CEP43: variants seen among roughly 807,000 people sequenced by gnomAD.
CEP43 encodes the protein centrosomal protein 43.
CEP43 carries 36 observed loss-of-function variants against 52.6 expected under a neutral mutation model. The ratio of observed to expected loss-of-function variants is 0.68; its 90% CI spans 0.52 to 0.90. The LOEUF is 0.90. Ranked by LOEUF, CEP43 falls within the 40% of genes least tolerant of loss-of-function variation. The pLI is 0.00. For synonymous variants in CEP43, 192 were observed against 172.4 expected, an observed-to-expected ratio of 1.11 and a Z score of -0.89; for missense variants, 506 against 472.8, an observed-to-expected ratio of 1.07 and a Z score of -0.65.
At chr6:167,005,095 A>G (rs1487102915) in intron 5 of CEP43, among the ~76,000 whole-genome samples, 1 of 152,200 alleles carries the variant, frequency 6.6e-6, no homozygotes, top group African/African-American at 2.4e-5. Flanking sequence ...TATTTGATTA[A>G]ATGTGAGCTT....
chr6:167,020,842 G>A (rs1400842937), intron 7 of CEP43, among the ~76,000 whole-genome samples: 3 of 150,782 alleles, frequency 2.0e-5, no homozygotes, highest in African/African-American at 7.3e-5. Context: ...CTGGGAGGCG[G>A]AGGTTGCAGT....
rs1032257568 is a variant in CEP43 at position 167,051,317 on chromosome 6, C to T, written c.*11339C>T. 6.6e-6 allele frequency: 1 copy of T among 152,176 alleles called. No homozygotes were observed. The allele number at this position is 152,176 out of a possible 1,614,324, so 9.4% of individuals were successfully genotyped here. A position where few individuals can be genotyped will look rare whatever the true frequency, so the allele number is the denominator to read the frequency against. On this transcript the variant is annotated 3_prime_UTR_variant, in exon 13 of 13. Transcript: ENST00000366847. ...CCCTCACTTCCTCCTAACCTGGTAG[C>T]CTTTCATTAGTTTTACAAAGGCAGT...
At chr6:167,031,019 A>C (rs572212666) in intron 10 of CEP43, among the ~76,000 whole-genome samples, 1 of 152,290 alleles carries the variant, frequency 6.6e-6, no homozygotes, top group South Asian at 2.1e-4. Flanking sequence ...TTATGGTTGT[A>C]TGGCTTCCTT....
intron 5 of CEP43, among the ~76,000 whole-genome samples, chr6:167,006,204 C>T (rs1321380149): frequency 6.6e-6 from 1 of 152,176 alleles, no homozygotes; most frequent in African/African-American, 2.4e-5. Context: ...TCAGTGGATT[C>T]AATTAACTGC....
rs2114855609 is a variant in CEP43, at chr6:167,043,331, A to T, written c.*3353A>T. 7.1e-6 allele frequency: 1 copy of T among 141,742 alleles called. No individual in the cohort carries two copies. The highest frequency in any genetic ancestry group is 2.1e-4 in the East Asian group (1 of 4,836). The allele number at this position is 141,742 out of a possible 1,614,324, so 8.8% of individuals were successfully genotyped here. A position where few individuals can be genotyped will look rare whatever the true frequency, so the allele number is the denominator to read the frequency against. On this transcript the variant is annotated 3_prime_UTR_variant, in exon 13 of 13. Coordinates refer to ENST00000366847, the MANE Select transcript of CEP43 (RefSeq NM_007045.4). Reference sequence around the variant, plus strand: ...TTCTCTGTCCATGGGTGCTAGTCTCACCCCTGCCCTCCGAGCAGTCCGTGC... The same window carrying T: ...TTCTCTGTCCATGGGTGCTAGTCTCTCCCCTGCCCTCCGAGCAGTCCGTGC...
chr6:167,052,662 G>T lies in CEP43; in HGVS notation c.*12684G>T, dbSNP rs9459855. Reference sequence around the variant, plus strand: ...AAATACTGTTCCACTTACTGCAGTTGCCTACAGTCTGGGTTTTGTTCAGTT... The same window carrying T: ...AAATACTGTTCCACTTACTGCAGTTTCCTACAGTCTGGGTTTTGTTCAGTT... On this transcript the variant is annotated 3_prime_UTR_variant, in exon 13 of 13. Coordinates refer to ENST00000366847, the MANE Select transcript of CEP43 (RefSeq NM_007045.4). 0.31 allele frequency: 47,576 copies of T among 152,044 alleles called. 8,218 individuals are homozygous for T. The highest frequency in any genetic ancestry group is 0.41 in the Middle Eastern group (122 of 294). 9.4% of individuals were successfully genotyped at this position (152,044 alleles called of 1,614,324 possible).
rs369962504 is a variant in CEP43, at chr6:167,010,914, G to A, written c.519+21G>A. The A allele has an allele frequency of 2.9e-4, 434 of 1,491,104 alleles. 2 individuals are homozygous for A. Among genetic ancestry groups the A allele is most frequent in the Non-Finnish European group, 3.9e-4 (427 of 1,089,534 alleles). 92.4% of individuals were successfully genotyped at this position (1,491,104 alleles called of 1,614,324 possible). A position where few individuals can be genotyped will look rare whatever the true frequency, so the allele number is the denominator to read the frequency against. ...GTAAGGTGAGTTAGCTGTGGAACAC[G>A]GAAGTCATGTCTGGACTTAACTCCA... On this transcript the variant is annotated intron_variant, in intron 6 of 12. Coordinates refer to ENST00000366847, the MANE Select transcript of CEP43 (RefSeq NM_007045.4).
intron 7 of CEP43, among the ~76,000 whole-genome samples, chr6:167,019,437 T>C (rs1384430102): frequency 6.6e-6 from 1 of 152,218 alleles, no homozygotes; most frequent in African/African-American, 2.4e-5. Flanking sequence ...CCTGTAGATT[T>C]TTTTAATAGT....
chr6:167,042,255 T>G lies in CEP43; in HGVS notation c.*2277T>G. On this transcript the variant is annotated 3_prime_UTR_variant, in exon 13 of 13. Transcript: ENST00000366847. ...GATGTGAAGTGACAGGTTTTGCATG[T>G]GATGAGTGTTTTCTGTTAAAAAATA... 1 of 1,006,054 alleles carries G rather than the reference T, an allele frequency of 9.9e-7. No homozygotes were observed. Among genetic ancestry groups the G allele is most frequent in the Non-Finnish European group, 1.2e-6 (1 of 841,154 alleles). The allele number at this position is 1,006,054 out of a possible 1,614,324, so 62.3% of individuals were successfully genotyped here.
At position 167,003,703 on chromosome 6, in the gene CEP43, CT is replaced by C. The variant is rs539762914; in HGVS notation, c.212-15del. ...AGTTTTTGAAGATTTGCTTACTTAC[CT>C]TTTTCTTGATCTTTATAGGTCGTTT... On this transcript the variant is annotated intron_variant, in intron 3 of 12. Coordinates refer to ENST00000366847, the MANE Select transcript of CEP43 (RefSeq NM_007045.4). 2.0e-6 allele frequency: 3 copies of C among 1,527,852 alleles called. No individual in the cohort carries two copies. Among genetic ancestry groups the C allele is most frequent in the Non-Finnish European group, 2.7e-6 (3 of 1,109,216 alleles). 94.6% of individuals were successfully genotyped at this position (1,527,852 alleles called of 1,614,324 possible).
chr6:167,020,349 C>T (rs967552772), intron 7 of CEP43, among the ~76,000 whole-genome samples: 3 of 152,194 alleles, frequency 2.0e-5, no homozygotes, highest in Non-Finnish European at 4.4e-5. Context: ...GTCAAGACCT[C>T]TACCTGGTGT....
chr6:167,028,688 T>C (rs1780404024), intron 10 of CEP43, among the ~76,000 whole-genome samples: 1 of 152,214 alleles, frequency 6.6e-6, no homozygotes, highest in Non-Finnish European at 1.5e-5. Context: ...GTTTTATTAC[T>C]ATCTCCATTT....
rs1780258057 is a variant in CEP43, at chr6:167,022,438, T to C, written c.609T>C (p.Asp203=). 6.2e-7 allele frequency: 1 copy of C among 1,614,014 alleles called. No homozygotes were observed. Among genetic ancestry groups the C allele is most frequent in the Non-Finnish European group, 8.5e-7 (1 of 1,179,904 alleles). The part of the protein sequence containing the change: ...KKANDEANQS[D]TSVSLSEPKS... Reference sequence around the variant, plus strand: ...CCAATGATGAGGCCAATCAGAGTGATACAAGTGTCTCCTTGTCAGAACCCA... The same window carrying C: ...CCAATGATGAGGCCAATCAGAGTGACACAAGTGTCTCCTTGTCAGAACCCA... The change falls in exon 8 of 13, where the codon GAT becomes GAC. Residue 203 remains aspartate (D), a synonymous_variant. Transcript: ENST00000366847.
chr6:167,001,732 T>C (rs1204299934), intron 2 of CEP43, among the ~76,000 whole-genome samples: 1 of 152,196 alleles, frequency 6.6e-6, no homozygotes, highest in African/African-American at 2.4e-5. Context: ...GTCTGTCAGG[T>C]GTGTATCTGA....
At chr6:167,031,529 G>A (rs1324644967) in intron 10 of CEP43, among the ~76,000 whole-genome samples, 3 of 152,214 alleles carry the variant, frequency 2.0e-5, no homozygotes, top group Admixed American at 6.5e-5. Flanking sequence ...GAATTACATT[G>A]TCTAACTGTC....
chr6:167,037,393 C>T (rs1425980766), intron 12 of CEP43, among the ~76,000 whole-genome samples: 11 of 152,162 alleles, frequency 7.2e-5, no homozygotes, highest in Non-Finnish European at 4.4e-5. Flanking sequence ...GAATACCTTA[C>T]TGATTTCACT....
At chr6:167,032,731 C>T (rs1163916132) in intron 11 of CEP43, 89 bp downstream of exon 11, 5 of 1,186,774 alleles carry the variant, frequency 4.2e-6, no homozygotes, top group Non-Finnish European at 5.8e-6. Flanking sequence ...ACATTTGGTG[C>T]TTATTTTAAT....
At chr6:167,037,110 G>A (rs530125642) in intron 12 of CEP43, among the ~76,000 whole-genome samples, 22 of 152,288 alleles carry the variant, frequency 1.4e-4, no homozygotes, top group African/African-American at 5.3e-4. Flanking sequence ...CCGGCGGAAA[G>A]GCTTTATTAA....
chr6:167,005,414 T>C (rs1370687805), intron 5 of CEP43, among the ~76,000 whole-genome samples: 3 of 152,238 alleles, frequency 2.0e-5, no homozygotes, highest in Non-Finnish European at 4.4e-5. Context: ...TTTCCAACCA[T>C]ATTATGAATA....
Sources: gnomAD v4.1 joint callset for allele counts (sites outside exome capture counted in the v4.1 genomes callset) on GRCh38, gnomAD v4.1.1 for gene constraint, MANE v1.5 for transcripts, NCBI Gene and HGNC (gene_info 2026-07-23, HGNC 2026-07-21) for gene names.